UGGT2: variants seen among roughly 807,000 people sequenced by gnomAD.
UGGT2 encodes UDP-glucose glycoprotein glucosyltransferase 2.
In UGGT2, 180 loss-of-function variants were observed where a neutral mutation model predicts 192.1. The ratio of observed to expected loss-of-function variants is 0.94; its 90% CI spans 0.83 to 1.06. The LOEUF (loss-of-function observed/expected upper bound fraction) is 1.06, where lower values mean the gene tolerates loss of function less well. Ranked by LOEUF, UGGT2 falls within the 50% of genes least tolerant of loss-of-function variation. The pLI is 0.00. For missense variants in UGGT2, 1,849 were observed against 1,795.7 expected (o/e 1.03, Z -0.54); for synonymous variants, 580 against 591.0 (o/e 0.98, Z 0.27).
At chr13:95,897,313 A>T (rs1193178542) in intron 22 of UGGT2, among the ~76,000 whole-genome samples, 1 of 151,602 alleles carries the variant, frequency 6.6e-6, no homozygotes, top group Non-Finnish European at 1.5e-5. Context: ...CAAAAAAAAG[A>T]CCCTGCTTTT....
intron 38 of UGGT2, among the ~76,000 whole-genome samples, chr13:95,804,183 G>T (rs1884198530): frequency 6.6e-6 from 1 of 151,948 alleles, no homozygotes; most frequent in South Asian, 2.1e-4. Context: ...AAGATCTATA[G>T]GACTAAGAAG....
intron 30 of UGGT2, among the ~76,000 whole-genome samples, 185 bp from the exon 31 acceptor site, chr13:95,863,899 C>CTGA (rs1225825622): frequency 6.6e-6 from 1 of 152,150 alleles, no homozygotes; most frequent in Non-Finnish European, 1.5e-5. Context: ...ATCAATTCAA[C>CTGA]CTCTTTGTTC....
intron 37 of UGGT2, among the ~76,000 whole-genome samples, chr13:95,836,818 A>G (rs1006302162): frequency 7.8e-6 from 1 of 127,948 alleles, no homozygotes; most frequent in Non-Finnish European, 1.7e-5. Flanking sequence ...ACTTTGCTTT[A>G]TATCCTTTCA....
intron 38 of UGGT2, among the ~76,000 whole-genome samples, chr13:95,829,532 A>G (rs1411531977): frequency 6.6e-6 from 1 of 152,178 alleles, no homozygotes; most frequent in Admixed American, 6.5e-5. Flanking sequence ...ATTAACAGAC[A>G]AAGAGAGAGC....
Position 95,923,066 on chromosome 13 carries a change from CTAAT to C in UGGT2, c.2295+2610_2295+2613del, listed in dbSNP as rs547890832. 1.3e-3 allele frequency among the ~76,000 whole-genome samples: 193 copies of C among 152,142 alleles called. 1 individual carries two copies. The highest frequency in any genetic ancestry group is 4.3e-3 in the African/African-American group (179 of 41,508). On this transcript the variant is annotated intron_variant, in intron 20 of 38. Coordinates refer to ENST00000376747, the MANE Select transcript of UGGT2 (RefSeq NM_020121.4). ...TTCAGTACGTTCTTTTCTTCACTGA[CTAAT>C]TAATGGGGTCTCACTCTATTACCCA...
intron 12 of UGGT2, among the ~76,000 whole-genome samples, chr13:95,964,977 A>G (rs911038287): frequency 1.3e-5 from 2 of 152,242 alleles, no homozygotes; most frequent in Admixed American, 6.5e-5. Context: ...GCAGCCAAAA[A>G]ACACATGAAA....
intron 19 of UGGT2, 50 bp from the exon 20 acceptor site, chr13:95,925,824 AAAC>A: frequency 7.5e-7 from 1 of 1,338,162 alleles, no homozygotes; most frequent in Non-Finnish European, 1.0e-6. Flanking sequence ...TTAAAAAATA[AAAC>A]AAAAGCAGGG....
intron 22 of UGGT2, among the ~76,000 whole-genome samples, chr13:95,896,888 G>A (rs1286270635): frequency 3.9e-5 from 6 of 152,070 alleles, no homozygotes; most frequent in Non-Finnish European, 8.8e-5. Flanking sequence ...AATAATTGCT[G>A]TAACAGAAAT....
At chr13:96,030,973 A>G (rs932552554) in intron 2 of UGGT2, among the ~76,000 whole-genome samples, 12 of 152,236 alleles carry the variant, frequency 7.9e-5, no homozygotes, top group African/African-American at 2.9e-4. Context: ...AATGCAATAT[A>G]CGTGTCAGTA....
intron 4 of UGGT2, among the ~76,000 whole-genome samples, chr13:96,018,544 A>C (rs2052409651): frequency 6.6e-6 from 1 of 152,108 alleles, no homozygotes; most frequent in Non-Finnish European, 1.5e-5. Flanking sequence ...AACAAAATAA[A>C]ATATGAGTTA....
At position 95,891,059 on chromosome 13, in the gene UGGT2, C is replaced by T. The variant is rs1359596315; in HGVS notation, c.2856-95G>A. On this transcript the variant is annotated intron_variant, in intron 24 of 38. Transcript: ENST00000376747. ...CTATATAATTCTTATAAATTGTTTT[C>T]TTTCTCACTAAAATTGTAAAATACT... 19 of 882,036 alleles carry T rather than the reference C, an allele frequency of 2.2e-5. No individual in the cohort carries two copies. In the Admixed American group the frequency reaches 5.2e-4, roughly 24 times the overall value. 54.6% of individuals were successfully genotyped at this position (882,036 alleles called of 1,614,324 possible).
intron 17 of UGGT2, among the ~76,000 whole-genome samples, chr13:95,928,312 C>G (rs1360505831): frequency 1.3e-5 from 2 of 151,292 alleles, no homozygotes; most frequent in Admixed American, 1.3e-4. Context: ...CCCCACCTCC[C>G]CGACGGGACG....
chr13:95,839,172 G>A (rs190075343), intron 36 of UGGT2, among the ~76,000 whole-genome samples: 110 of 151,942 alleles, frequency 7.2e-4, no homozygotes, highest in African/African-American at 2.3e-3. Context: ...CCCCCATGCC[G>A]ACTGTTTTTT....
chr13:95,940,419 CA>C (rs1195159328), intron 15 of UGGT2, among the ~76,000 whole-genome samples: 1 of 145,886 alleles, frequency 6.9e-6, no homozygotes, highest in Non-Finnish European at 1.5e-5. Flanking sequence ...GAAATGCTTT[CA>C]TTTTTTATTG....
chr13:95,988,979 T>C (rs1005350399), intron 8 of UGGT2, among the ~76,000 whole-genome samples: 1 of 152,144 alleles, frequency 6.6e-6, no homozygotes, highest in Admixed American at 6.5e-5. Flanking sequence ...GAGAGTGGCC[T>C]GTAAATATCC....
At chr13:95,924,393 CTTTTTTTTTTTTTTTTTT>C (rs59757283) in intron 20 of UGGT2, among the ~76,000 whole-genome samples, 2 of 63,320 alleles carry the variant, frequency 3.2e-5, no homozygotes, top group African/African-American at 4.8e-5. Flanking sequence ...TCCCAAACAG[CTTTTTTTTTTTTTTTTTT>C]TTTTTTTTTT....
chr13:95,986,378 A>G lies in UGGT2; in HGVS notation c.986T>C (p.Ile329Thr), dbSNP rs1262156164. The G allele has an allele frequency of 6.2e-7, 1 of 1,605,398 alleles. No individual in the cohort carries two copies. The highest frequency in any genetic ancestry group is 1.1e-5 in the South Asian group (1 of 90,112). ...CTGTGAAATGTCTTTCATTAATTTAATGGAATCATAAACTGGAGCGGACAT... is the reference window on the plus strand; with the variant it reads ...CTGTGAAATGTCTTTCATTAATTTAGTGGAATCATAAACTGGAGCGGACAT... ...QIMSAPVYDS[I>T]KLMKDISQNF... Residue 329 changes from isoleucine to threonine, a missense_variant, in exon 9 of 39, where the codon ATT becomes ACT. By Grantham distance (89) the Ile-to-Thr change is moderately conservative. Coordinates refer to ENST00000376747, the MANE Select transcript of UGGT2 (RefSeq NM_020121.4).
At chr13:96,012,439 T>TA (rs950719700) in intron 5 of UGGT2, among the ~76,000 whole-genome samples, 103 of 151,748 alleles carry the variant, frequency 6.8e-4, no homozygotes, top group African/African-American at 2.1e-3. Flanking sequence ...AAACAATTTT[T>TA]AAAAAAAATC....
chr13:95,802,865 A>G (rs1884126269), intron 38 of UGGT2, among the ~76,000 whole-genome samples: 1 of 151,992 alleles, frequency 6.6e-6, no homozygotes, highest in African/African-American at 2.4e-5. Flanking sequence ...ACGGAGTCTC[A>G]CTCAGTCGTC....
Sources: gnomAD v4.1 joint callset for allele counts (sites outside exome capture counted in the v4.1 genomes callset) on GRCh38, gnomAD v4.1.1 for gene constraint, MANE v1.5 for transcripts, NCBI Gene and HGNC (gene_info 2026-07-23, HGNC 2026-07-21) for gene names.